Variants in DPP6 observed in about 807,000 individuals in gnomAD.
DPP6 encodes the protein dipeptidyl peptidase like 6, also known as A-type potassium channel modulatory protein DPP6.
In DPP6, 69 loss-of-function variants were observed where a neutral mutation model predicts 122.6. The observed-to-expected ratio is 0.56, with a 90% confidence interval of 0.46 to 0.69. The LOEUF (loss-of-function observed/expected upper bound fraction) is 0.69, where lower values mean the gene tolerates loss of function less well. Among genes scored for constraint, DPP6 ranks in the 30% least tolerant of loss-of-function variants. DPP6 has a pLI of 0.00. For synonymous variants in DPP6, 418 were observed against 433.1 expected, an observed-to-expected ratio of 0.97 and a Z score of 0.43; for missense variants, 928 against 1,116.9, an observed-to-expected ratio of 0.83 and a Z score of 2.41.
At chr7:154,599,074 G>A (rs1237879379) in intron 5 of DPP6, among the ~76,000 whole-genome samples, 1 of 152,154 alleles carries the variant, frequency 6.6e-6, no homozygotes, top group Non-Finnish European at 1.5e-5. Context: ...TTCTAAGGGC[G>A]ATACATTTTG....
intron 7 of DPP6, among the ~76,000 whole-genome samples, chr7:154,726,439 G>A (rs1042346593): frequency 7.2e-5 from 11 of 152,114 alleles, no homozygotes; most frequent in Admixed American, 4.6e-4. Context: ...CCAAGACTTG[G>A]GGCTTGCACC....
chr7:153,813,319 T>G, the DPP6 span, among the ~76,000 whole-genome samples: 2 of 152,098 alleles, frequency 1.3e-5, no homozygotes, highest in Non-Finnish European at 2.9e-5. Flanking sequence ...GAATGATGAT[T>G]TCCAATTTCA....
chr7:154,023,898 G>A (rs1040873067), intron 1 of DPP6, among the ~76,000 whole-genome samples: 13 of 152,244 alleles, frequency 8.5e-5, no homozygotes, highest in African/African-American at 2.9e-4. Context: ...AGATGCATCT[G>A]TCTCTGTTAA....
At chr7:154,658,536 C>T (rs2873107) in intron 6 of DPP6, among the ~76,000 whole-genome samples, 12,997 of 152,058 alleles carry the variant, frequency 0.085, 645 homozygotes, top group East Asian at 0.16. Flanking sequence ...TCAGTGTGTC[C>T]GGGAGGAAGC....
At chr7:154,415,512 G>A (rs558119298) in intron 1 of DPP6, among the ~76,000 whole-genome samples, 1 of 152,010 alleles carries the variant, frequency 6.6e-6, no homozygotes, top group Non-Finnish European at 1.5e-5. Flanking sequence ...TAGGTTGTGA[G>A]CTCTGCGGTA....
intron 17 of DPP6, among the ~76,000 whole-genome samples, chr7:154,860,216 C>T (rs1162412629): frequency 6.6e-6 from 1 of 152,148 alleles, no homozygotes; most frequent in Non-Finnish European, 1.5e-5. Flanking sequence ...TGAGGCACCC[C>T]CTCCTAGACT....
intron 5 of DPP6, among the ~76,000 whole-genome samples, chr7:154,612,165 C>G (rs917335987): frequency 1.3e-5 from 2 of 152,168 alleles, no homozygotes; most frequent in African/African-American, 4.8e-5. Context: ...AGCCTCCAGA[C>G]CTGCGAGCCA....
intron 12 of DPP6, 46 bp downstream of exon 12, chr7:154,795,929 C>T: frequency 6.3e-7 from 1 of 1,584,854 alleles, no homozygotes; most frequent in Non-Finnish European, 8.6e-7. Context: ...CCACCTGATC[C>T]ACCCCAGGGC....
At chr7:154,114,839 G>A (rs1333032598) in intron 1 of DPP6, among the ~76,000 whole-genome samples, 1 of 152,100 alleles carries the variant, frequency 6.6e-6, no homozygotes, top group African/African-American at 2.4e-5. Flanking sequence ...ACCTGACTTC[G>A]GCAACATCTG....
intron 7 of DPP6, among the ~76,000 whole-genome samples, chr7:154,719,221 A>T (rs1841668480): frequency 6.6e-6 from 1 of 151,982 alleles, no homozygotes; most frequent in South Asian, 2.1e-4. Context: ...CTTGGATGTT[A>T]TCTATGCCGG....
chr7:154,640,551 T>C (rs1428318690), intron 6 of DPP6, among the ~76,000 whole-genome samples: 3 of 152,160 alleles, frequency 2.0e-5, no homozygotes, highest in African/African-American at 7.2e-5. Context: ...AATTAATTCA[T>C]TGCAAATATT....
chr7:153,910,638 C>A (rs1460415683), intron 1 of DPP6, among the ~76,000 whole-genome samples: 2 of 152,180 alleles, frequency 1.3e-5, no homozygotes, highest in Non-Finnish European at 2.9e-5. Flanking sequence ...CTTCACCTCT[C>A]ACGTGCCTAA....
intron 1 of DPP6, among the ~76,000 whole-genome samples, chr7:154,445,785 A>C (rs1819814893): frequency 6.6e-6 from 1 of 152,210 alleles, no homozygotes; most frequent in Non-Finnish European, 1.5e-5. Flanking sequence ...TGTAAAAAAA[A>C]AAAAAGGGAA....
the DPP6 span, among the ~76,000 whole-genome samples, chr7:153,810,716 G>A: frequency 1.1e-5 from 1 of 93,016 alleles, no homozygotes; most frequent in African/African-American, 4.4e-5. Context: ...CTCTCTCTCA[G>A]TAAGCACCAG....
rs1417564559 is a variant in DPP6 at position 154,540,569 on chromosome 7, G to A, written c.495G>A (p.Val165=). The change falls in exon 4 of 26, where the codon GTG becomes GTA. Residue 165 remains valine, a synonymous_variant. Coordinates refer to ENST00000377770, the MANE Select transcript of DPP6 (RefSeq NM_130797.4). ...TCTACAGAGAACAGAAAGGAACAGT[G>A]AGACTGTGGAATGTTGAAACAAATA... ...EFIYREQKGT[V]RLWNVETNTS... 6.8e-6 allele frequency: 11 copies of A among 1,608,470 alleles called. No homozygotes were observed. The South Asian group carries it at 7.8e-5, about 11-fold the overall frequency.
intron 1 of DPP6, among the ~76,000 whole-genome samples, chr7:153,978,895 T>A (rs1023910540): frequency 3.3e-5 from 5 of 152,124 alleles, no homozygotes; most frequent in Non-Finnish European, 7.4e-5. Flanking sequence ...CTGTTCTGCT[T>A]CATTGGTTGA....
chr7:153,830,293 T>C, the DPP6 span, among the ~76,000 whole-genome samples: 1 of 152,242 alleles, frequency 6.6e-6, no homozygotes, highest in Admixed American at 6.5e-5. Flanking sequence ...TTCTCTGAGA[T>C]GAGCTTGGAA....
At chr7:153,800,727 G>A in the DPP6 span, among the ~76,000 whole-genome samples, 1 of 152,088 alleles carries the variant, frequency 6.6e-6, no homozygotes, top group Admixed American at 6.5e-5. Context: ...ATGTTGGCCA[G>A]GCTGGTCTTG....
chr7:154,420,220 C>T (rs989003521), intron 1 of DPP6, among the ~76,000 whole-genome samples: 2 of 152,048 alleles, frequency 1.3e-5, no homozygotes, highest in Admixed American at 1.3e-4. Context: ...ACCTGTAATC[C>T]CAGCTACTCG....
Sources: allele counts gnomAD v4.1 joint callset (sites outside exome capture counted in the v4.1 genomes callset), GRCh38; gene constraint gnomAD v4.1.1; transcripts MANE v1.5; gene names NCBI Gene and HGNC (gene_info 2026-07-23, HGNC 2026-07-21).